The following DNAAF5 variants were observed in gnomAD, a reference collection of about 807,000 sequenced individuals.
DNAAF5 encodes the protein HEAT repeat containing 2.
A neutral mutation model predicts 75.8 loss-of-function variants in DNAAF5; 64 were observed. The observed-to-expected ratio is 0.84, with a 90% confidence interval of 0.69 to 1.04. The LOEUF is 1.04. Among genes scored for constraint, DNAAF5 ranks in the 50% least tolerant of loss-of-function variants. The pLI is 0.00. For missense variants in DNAAF5, 1,269 were observed against 1,178.5 expected, an observed-to-expected ratio of 1.08 and a Z score of -1.12; for synonymous variants, 657 against 557.2, an observed-to-expected ratio of 1.18 and a Z score of -2.52.
At chr7:768,892 CTG>C (rs1778452838) in intron 8 of DNAAF5, 1 of 506,084 alleles carries the variant, frequency 2.0e-6, no homozygotes, top group Admixed American at 3.2e-5. Context: ...CAGTCAGAAA[CTG>C]GGTCAGAAGC....
intron 11 of DNAAF5, 184 bp from the exon 12 acceptor site, chr7:779,769 G>A (rs578225710): frequency 2.0e-5 from 12 of 587,628 alleles, no homozygotes; most frequent in African/African-American, 3.7e-5. Context: ...GGGGTTCAGG[G>A]GTCCCAGGTC....
intron 8 of DNAAF5, among the ~76,000 whole-genome samples, chr7:767,647 C>T (rs769456948): frequency 2.0e-5 from 3 of 152,226 alleles, no homozygotes; most frequent in Non-Finnish European, 4.4e-5. Flanking sequence ...AAAGTGAAGC[C>T]AGTGCAGAAG....
At chr7:780,679 C>T (rs962133815) in intron 12 of DNAAF5, among the ~76,000 whole-genome samples, 3 of 152,190 alleles carry the variant, frequency 2.0e-5, no homozygotes, top group Admixed American at 6.5e-5. Flanking sequence ...TTCTTCAATA[C>T]CACGCCAACA....
At position 754,848 on chromosome 7, in the gene DNAAF5, C is replaced by A; in HGVS notation, c.1257+27C>A. The A allele has an allele frequency of 1.3e-6, 2 of 1,515,596 alleles. No individual in the cohort carries two copies. The highest frequency in any genetic ancestry group is 2.4e-5 in the South Asian group (2 of 83,996). The allele number at this position is 1,515,596 out of a possible 1,614,324, so 93.9% of individuals were successfully genotyped here. A position where few individuals can be genotyped will look rare whatever the true frequency, so the allele number is the denominator to read the frequency against. On this transcript the variant is annotated intron_variant, in intron 5 of 12. Coordinates refer to ENST00000297440, the MANE Select transcript of DNAAF5 (RefSeq NM_017802.4). This position sits in a 1 kb window ranked among gnomAD's most constrained non-coding sequence, Gnocchi z 4.8. ...TAAGTGGCCGTATTCCAGTCGTGGT[C>A]GCGGAGCTGTAACTCGAGCTTAAGA...
chr7:766,382 A>G (rs998449506), intron 8 of DNAAF5, among the ~76,000 whole-genome samples: 1 of 152,216 alleles, frequency 6.6e-6, no homozygotes, highest in Non-Finnish European at 1.5e-5. Context: ...AATAGGAGAA[A>G]TTTTTAAATT....
intron 6 of DNAAF5, among the ~76,000 whole-genome samples, chr7:759,762 G>A (rs1292018305): frequency 6.6e-6 from 1 of 152,158 alleles, no homozygotes; most frequent in African/African-American, 2.4e-5. Context: ...GGTGCTTGCT[G>A]CAAAGGATGC....
In DNAAF5 at chr7:727,051, C is replaced by G. The variant is rs1243778154; in HGVS notation, c.331C>G (p.Arg111Gly). 9.1e-6 allele frequency: 10 copies of G among 1,095,624 alleles called. No individual in the cohort carries two copies. The highest frequency in any genetic ancestry group is 1.7e-5 in the African/African-American group (1 of 59,492). The allele number at this position is 1,095,624 out of a possible 1,614,324, so 67.9% of individuals were successfully genotyped here. The change falls in exon 1 of 13, where the codon CGC (arginine) becomes GGC (glycine). Residue 111 changes from arginine to glycine, a missense_variant. Physicochemically the swap from Arg to Gly is moderately radical, Grantham distance 125 (BLOSUM62 -2). Transcript: ENST00000297440. Reference protein sequence around the residue: ...DLGLRRAARPRDALPRLLPAL... With the variant: ...DLGLRRAARPGDALPRLLPAL... ...GGGCCTGCGCCGCGCCGCGCGGCCCCGCGATGCCCTGCCGCGCCTGCTGCC... is the reference window on the plus strand; with the variant it reads ...GGGCCTGCGCCGCGCCGCGCGGCCCGGCGATGCCCTGCCGCGCCTGCTGCC...
chr7:760,960 G>A (rs1782624635), intron 6 of DNAAF5, among the ~76,000 whole-genome samples: 1 of 152,244 alleles, frequency 6.6e-6, no homozygotes, highest in Non-Finnish European at 1.5e-5. Flanking sequence ...CAGCTTCAGC[G>A]CTGACCAGCC....
At position 770,521 on chromosome 7, in the gene DNAAF5, T is replaced by G. The variant is rs764075420; in HGVS notation, c.1834T>G (p.Cys612Gly). The part of the protein sequence containing the change: ...LPHVVPTLRA[C>G]LQPSQDPQMR... Reference sequence around the variant, plus strand: ...ACACGTCGTGCCCACGCTGAGGGCCTGTCTGCAGCCCTCCCAAGACCCGCA... The same window carrying G: ...ACACGTCGTGCCCACGCTGAGGGCCGGTCTGCAGCCCTCCCAAGACCCGCA... The change falls in exon 9 of 13, where the codon TGT (cysteine) becomes GGT (glycine). Residue 612 changes from cysteine (C) to glycine (G), a missense_variant. By Grantham distance (159) the Cys-to-Gly change is radical. Coordinates refer to ENST00000297440, the MANE Select transcript of DNAAF5 (RefSeq NM_017802.4). The G allele has an allele frequency of 1.9e-6, 3 of 1,613,884 alleles. No individual in the cohort carries two copies. The highest frequency in any genetic ancestry group is 2.5e-6 in the Non-Finnish European group (3 of 1,179,960).
intron 9 of DNAAF5, chr7:771,879 G>T (rs769355495): frequency 6.6e-6 from 1 of 152,218 alleles, no homozygotes; most frequent in Non-Finnish European, 1.5e-5. Context: ...TGTGGAAGGC[G>T]GTTGGCGTCA....
At chr7:728,739 G>T (rs1245828166) in intron 1 of DNAAF5, among the ~76,000 whole-genome samples, 3 of 152,190 alleles carry the variant, frequency 2.0e-5, no homozygotes, top group Admixed American at 6.5e-5. Context: ...CAGCCTGCTG[G>T]GGTATGTGCT....
chr7:765,489 T>C (rs1381744645), intron 8 of DNAAF5, among the ~76,000 whole-genome samples: 1 of 152,190 alleles, frequency 6.6e-6, no homozygotes, highest in Non-Finnish European at 1.5e-5. Context: ...TGGCTTGCAG[T>C]GAAGCCAGGA....
In DNAAF5 at chr7:785,891, A is replaced by G. The variant is rs910985738; in HGVS notation, c.*238A>G. On this transcript the variant is annotated 3_prime_UTR_variant, in exon 13 of 13. Coordinates refer to ENST00000297440, the MANE Select transcript of DNAAF5 (RefSeq NM_017802.4). ...CCCAAACATCTGCAGCTGATTTGAA[A>G]TTAAAAGTAAGTCGCAGCCGCTCCT... 12 of 496,060 alleles carry G rather than the reference A, an allele frequency of 2.4e-5. No homozygotes were observed. The highest frequency in any genetic ancestry group is 3.9e-5 in the Admixed American group (1 of 25,772). The allele number at this position is 496,060 out of a possible 1,614,324, so 30.7% of individuals were successfully genotyped here.
chr7:756,789 G>C lies in DNAAF5; in HGVS notation c.1265G>C (p.Arg422Thr). 6.2e-7 allele frequency: 1 copy of C among 1,613,698 alleles called. No individual in the cohort carries two copies. The highest frequency in any genetic ancestry group is 1.7e-5 in the Admixed American group (1 of 60,012). The change falls in exon 6 of 13, where the codon AGA becomes ACA. Residue 422 changes from arginine (R) to threonine (T), a missense_variant. Coordinates refer to ENST00000297440, the MANE Select transcript of DNAAF5 (RefSeq NM_017802.4). Reference sequence around the variant, plus strand: ...CATGTTTCTTTCTCGCAGTGTACCAGATCCGCAGAGCTCGTCGGGACGTTT... The same window carrying C: ...CATGTTTCTTTCTCGCAGTGTACCACATCCGCAGAGCTCGTCGGGACGTTT... Reference protein sequence around the residue: ...EEAAVVQSCTRSAELVGTFVS... With the variant: ...EEAAVVQSCTTSAELVGTFVS...
At chr7:741,080 C>A (rs772897547) in intron 3 of DNAAF5, 137 bp downstream of exon 3, 5 of 1,065,910 alleles carry the variant, frequency 4.7e-6, no homozygotes, top group Admixed American at 2.5e-5. Context: ...ATGTGCCGTA[C>A]AGAAGTCGTC....
At chr7:752,959 C>T (rs1345242342) in intron 4 of DNAAF5, among the ~76,000 whole-genome samples, 6 of 152,228 alleles carry the variant, frequency 3.9e-5, no homozygotes, top group Admixed American at 1.3e-4. Context: ...GTGAAGAAGA[C>T]GCTCGGCGTC....
chr7:784,648 G>A (rs73260390), intron 12 of DNAAF5, among the ~76,000 whole-genome samples: 2,331 of 152,172 alleles, frequency 0.015, 56 homozygotes, highest in African/African-American at 0.053. Context: ...ACTGCTTCCC[G>A]ATGAACCCTC....
In DNAAF5 at chr7:780,158, G is replaced by A. The variant is rs757324249; in HGVS notation, c.2431+14G>A. Reference sequence around the variant, plus strand: ...ATGCAATTTTAGGTGAGACTCCGACGGCTTGGCCTTCGTTCCGATGCCTGC... The same window carrying A: ...ATGCAATTTTAGGTGAGACTCCGACAGCTTGGCCTTCGTTCCGATGCCTGC... On this transcript the variant is annotated intron_variant, in intron 12 of 12. Transcript: ENST00000297440. 16 of 1,610,692 alleles carry A rather than the reference G, an allele frequency of 9.9e-6. No homozygotes were observed. The highest frequency in any genetic ancestry group is 6.7e-5 in the Admixed American group (4 of 59,826).
rs187851745 is a variant in DNAAF5 at position 778,260 on chromosome 7, C to T, written c.2240-1693C>T. ...CTGCACGCGTTTGGGCATCTGAGCG[C>T]ATTTGGGCATCTGGGCCACGGCCCC... On this transcript the variant is annotated intron_variant, in intron 11 of 12. Transcript: ENST00000297440. 2.0e-3 allele frequency: 311 copies of T among 152,264 alleles called. 2 individuals are homozygous for T. The highest frequency in any genetic ancestry group is 7.0e-3 in the African/African-American group (291 of 41,486). 9.4% of individuals were successfully genotyped at this position (152,264 alleles called of 1,614,324 possible).
Sources: allele counts gnomAD v4.1 joint callset (sites outside exome capture counted in the v4.1 genomes callset), GRCh38; gene constraint gnomAD v4.1.1; non-coding constraint Gnocchi (gnomAD v3.1); transcripts MANE v1.5; gene names NCBI Gene and HGNC (gene_info 2026-07-23, HGNC 2026-07-21).